Variants in DDX54 observed in about 807,000 individuals in gnomAD.
The protein encoded by DDX54 is ATP-dependent RNA helicase DDX54.
Under a neutral mutation model 105.5 loss-of-function variants are expected in DDX54, and 67 were observed. The observed-to-expected ratio is 0.64, with a 90% confidence interval of 0.52 to 0.78. DDX54 has a LOEUF of 0.78. DDX54 is among the 30% of genes least tolerant of loss of function. The probability of loss-of-function intolerance (pLI) is 0.00; values close to 1 mark genes in which losing one functional copy is unlikely to be tolerated. For missense variants in DDX54, 1,206 were observed against 1,230.5 expected, an observed-to-expected ratio of 0.98 and a Z score of 0.30; for synonymous variants, 514 against 509.9, an observed-to-expected ratio of 1.01 and a Z score of -0.11.
chr12:113,168,696 C>T (rs1282538532), intron 12 of DDX54, among the ~76,000 whole-genome samples: 2 of 151,966 alleles, frequency 1.3e-5, no homozygotes, highest in South Asian at 2.1e-4. Context: ...TTTGGGAGGC[C>T]GAGGCGGGCA....
intron 7 of DDX54, 85 bp downstream of exon 7, chr12:113,176,755 T>C: frequency 1.4e-6 from 2 of 1,452,250 alleles, no homozygotes; most frequent in Admixed American, 3.5e-5. Flanking sequence ...AGGGCTCTCC[T>C]GGCAGAGCCT....
Position 113,161,964 on chromosome 12 carries a change from T to G in DDX54, c.2229A>C (p.Ser743=). 1.9e-6 allele frequency: 3 copies of G among 1,613,042 alleles called. No homozygotes were observed. Among genetic ancestry groups the G allele is most frequent in the Non-Finnish European group, 1.7e-6 (2 of 1,179,714 alleles). ...TAATCTTCTTCTTGTCTTCCTGTCC[T>G]GACTGTCCCACAAACCGCTTCTTCT... The part of the protein sequence containing the change: ...DRKKKRFVGQ[S]GQEDKKKIKT... Residue 743 remains serine, a synonymous_variant, in exon 18 of 20, where the codon TCA becomes TCC. Coordinates refer to ENST00000306014, the MANE Select transcript of DDX54 (RefSeq NM_024072.4).
intron 11 of DDX54, among the ~76,000 whole-genome samples, chr12:113,170,981 G>T (rs1053653500): frequency 6.6e-6 from 1 of 152,192 alleles, no homozygotes; most frequent in Non-Finnish European, 1.5e-5. Context: ...TTATATTTTG[G>T]TTTGTCTCTG....
At chr12:113,166,568 G>C (rs1298973943) in intron 12 of DDX54, among the ~76,000 whole-genome samples, 3 of 152,102 alleles carry the variant, frequency 2.0e-5, no homozygotes, top group Non-Finnish European at 4.4e-5. Context: ...GGGCATGGTG[G>C]TGTGCCCCTG....
intron 18 of DDX54, 44 bp from the exon 19 acceptor site, chr12:113,161,426 G>T: frequency 6.6e-7 from 1 of 1,505,764 alleles, no homozygotes; most frequent in Non-Finnish European, 9.1e-7. Flanking sequence ...CCCTGGGATG[G>T]GAGAAGGCTC....
rs201527055 is a variant in DDX54 at position 113,169,740 on chromosome 12, G to A, written c.1414+30C>T. 1.5e-5 allele frequency: 24 copies of A among 1,608,098 alleles called. No individual in the cohort carries two copies. In the African/African-American group the frequency reaches 3.1e-4, roughly 21 times the overall value. On this transcript the variant is annotated intron_variant, in intron 12 of 19. Coordinates refer to ENST00000306014, the MANE Select transcript of DDX54 (RefSeq NM_024072.4). ...AAACAGGGCCCATGAACTCCACGGG[G>A]ACCCCTATCCCCACCCAGCCTCCAC...
At chr12:113,171,057 T>A (rs1046735899) in intron 11 of DDX54, among the ~76,000 whole-genome samples, 3 of 152,196 alleles carry the variant, frequency 2.0e-5, no homozygotes, top group African/African-American at 7.2e-5. Flanking sequence ...ACCGGCACTG[T>A]TGGTCTTGTG....
In DDX54 at chr12:113,185,287, C is replaced by G. The variant is rs1952516043; in HGVS notation, c.165G>C (p.Arg55=). The G allele has an allele frequency of 2.5e-6, 4 of 1,571,466 alleles. No individual in the cohort carries two copies. In the Admixed American group the frequency reaches 7.1e-5, roughly 28 times the overall value. ...EFEIQAEDDA[R]ARKLGPGRPL... ...AGCCCCACGCGCCTACCTTCCGGGC[C>G]CGGGCGTCATCTTCCGCCTGGATCT... The change falls in exon 1 of 20, where the codon CGG becomes CGC. Residue 55 remains arginine, a synonymous_variant. Coordinates refer to ENST00000306014, the MANE Select transcript of DDX54 (RefSeq NM_024072.4).
chr12:113,172,258 C>T, intron 11 of DDX54, 95 bp downstream of exon 11: 2 of 1,392,062 alleles, frequency 1.4e-6, no homozygotes, highest in South Asian at 2.6e-5. Flanking sequence ...CCACAGCCAC[C>T]CCATGTGCAG....
Position 113,162,940 on chromosome 12 carries a change from C to A in DDX54, c.2187G>T (p.Gln729His). ...CTCACTCGATCACTCACCACTTGAG[C>A]TGCTGCCGGCCCCTCGTCAGGTTCT... ...EAQNLTRGRQQLKWDRKKKRF... is the reference protein window; with the variant it reads ...EAQNLTRGRQHLKWDRKKKRF... The change falls in exon 17 of 20, where the codon CAG (glutamine) becomes CAT (histidine). Residue 729 changes from glutamine to histidine, a missense_variant. Transcript: ENST00000306014. 1 of 1,596,978 alleles carries A rather than the reference C, an allele frequency of 6.3e-7. No homozygotes were observed. The highest frequency in any genetic ancestry group is 8.5e-7 in the Non-Finnish European group (1 of 1,175,146).
chr12:113,185,448 C>A lies in DDX54; in HGVS notation c.4G>T (p.Ala2Ser). 6.7e-7 allele frequency: 1 copy of A among 1,503,106 alleles called. No homozygotes were observed. Among genetic ancestry groups the A allele is most frequent in the African/African-American group, 1.4e-5 (1 of 69,104 alleles). 93.1% of individuals were successfully genotyped at this position (1,503,106 alleles called of 1,614,324 possible). A position where few individuals can be genotyped will look rare whatever the true frequency, so the allele number is the denominator to read the frequency against. The change falls in exon 1 of 20, where the codon GCG becomes TCG. Residue 2 changes from alanine (A) to serine (S), a missense_variant. Physicochemically the swap from Ala to Ser is moderately conservative, Grantham distance 99. Coordinates refer to ENST00000306014, the MANE Select transcript of DDX54 (RefSeq NM_024072.4). Reference protein sequence around the residue: MAADKGPAAGPR... With the variant: MSADKGPAAGPR... ...CCAGCCGCCGGGCCCTTGTCGGCCG[C>A]CATTCGGGCCGCGCGCTGGGAACGC... is the stretch of plus-strand genomic sequence containing the variant.
At chr12:113,183,207 T>C (rs1311561882) in intron 1 of DDX54, among the ~76,000 whole-genome samples, 1 of 152,222 alleles carries the variant, frequency 6.6e-6, no homozygotes, top group Non-Finnish European at 1.5e-5. Context: ...TCTACGGATG[T>C]GGAAACGGGC....
intron 1 of DDX54, among the ~76,000 whole-genome samples, chr12:113,183,111 C>T (rs562471150): frequency 2.6e-5 from 4 of 152,290 alleles, no homozygotes; most frequent in East Asian, 1.9e-4. Flanking sequence ...CCTCACTCCT[C>T]GGACTCCCAA....
chr12:113,173,835 C>T (rs1169560790), intron 10 of DDX54, among the ~76,000 whole-genome samples: 1 of 152,078 alleles, frequency 6.6e-6, no homozygotes, highest in Non-Finnish European at 1.5e-5. Flanking sequence ...AACGAGTACC[C>T]GGGGTTCATC....
intron 1 of DDX54, among the ~76,000 whole-genome samples, chr12:113,184,647 A>T (rs1320308698): frequency 6.6e-6 from 1 of 151,812 alleles, no homozygotes; most frequent in Non-Finnish European, 1.5e-5. Context: ...CAACATAGGG[A>T]GACCCCCGTC....
intron 5 of DDX54, 178 bp from the exon 6 acceptor site, chr12:113,177,271 C>T (rs371388263): frequency 3.1e-6 from 2 of 645,088 alleles, no homozygotes; most frequent in African/African-American, 1.8e-5. Flanking sequence ...ACAAGAGATA[C>T]AAGCTGAAAT....
rs751764639 is a variant in DDX54, at chr12:113,185,434, G to T, written c.18C>A (p.Gly6=). Residue 6 remains glycine, a synonymous_variant, in exon 1 of 20, where the codon GGC becomes GGA. Coordinates refer to ENST00000306014, the MANE Select transcript of DDX54 (RefSeq NM_024072.4). ...CTCGCGACCGAGGTCCAGCCGCCGG[G>T]CCCTTGTCGGCCGCCATTCGGGCCG... MAADK[G]PAAGPRSRAA... 2.0e-6 allele frequency: 3 copies of T among 1,513,038 alleles called. No homozygotes were observed. Among genetic ancestry groups the T allele is most frequent in the Admixed American group, 4.2e-5 (2 of 47,304 alleles). The allele number at this position is 1,513,038 out of a possible 1,614,324, so 93.7% of individuals were successfully genotyped here.
intron 4 of DDX54, 40 bp from the exon 5 acceptor site, chr12:113,179,066 T>C: frequency 1.2e-6 from 2 of 1,613,692 alleles, no homozygotes; most frequent in Non-Finnish European, 1.7e-6. Flanking sequence ...AGGGGTGAGA[T>C]GACAGCACAC....
rs774080498 is a variant in DDX54, at chr12:113,179,046, G to A, written c.565-20C>T. 6.2e-7 allele frequency: 1 copy of A among 1,614,024 alleles called. No individual in the cohort carries two copies. Among genetic ancestry groups the A allele is most frequent in the Non-Finnish European group, 8.5e-7 (1 of 1,179,954 alleles). On this transcript the variant is annotated intron_variant, in intron 4 of 19. Transcript: ENST00000306014. ...GCCTAGCTGAGAAGAGAAAGTGATT[G>A]AGAGAGGGCAGGGGTGAGATGACAG...
Sources: gnomAD v4.1 joint callset for allele counts (sites outside exome capture counted in the v4.1 genomes callset) on GRCh38, gnomAD v4.1.1 for gene constraint, MANE v1.5 for transcripts, NCBI Gene and HGNC (gene_info 2026-07-23, HGNC 2026-07-21) for gene names.